The following TNNI3K variants were observed in gnomAD, a reference collection of about 807,000 sequenced individuals.
TNNI3K encodes the protein serine/threonine-protein kinase TNNI3K.
TNNI3K carries 140 observed loss-of-function variants against 114.5 expected under a neutral mutation model. The observed-to-expected ratio is 1.22, with a 90% confidence interval of 1.07 to 1.41. The LOEUF is 1.41. Among genes scored for constraint, TNNI3K ranks in the 40% most tolerant of loss-of-function variants. The pLI is 0.00. For synonymous variants in TNNI3K, 347 were observed against 347.5 expected (o/e 1.00, Z 0.02); for missense variants, 1,125 against 1,007.6 (o/e 1.12, Z -1.58).
intron 21 of TNNI3K, chr1:74,480,709 A>G (rs917101594): frequency 4.2e-6 from 3 of 717,330 alleles, no homozygotes; most frequent in African/African-American, 1.7e-5. Context: ...GGAGAGCATT[A>G]TTGCTCAGCA....
intron 4 of TNNI3K, among the ~76,000 whole-genome samples, chr1:74,256,717 A>G (rs1242999618): frequency 1.3e-5 from 2 of 152,130 alleles, no homozygotes; most frequent in Non-Finnish European, 2.9e-5. Flanking sequence ...TTCACTTAAA[A>G]TATAAGAACC....
intron 11 of TNNI3K, among the ~76,000 whole-genome samples, chr1:74,365,671 T>G (rs1054434547): frequency 6.6e-6 from 1 of 152,080 alleles, no homozygotes; most frequent in Admixed American, 6.6e-5. Flanking sequence ...ATCTATTCTC[T>G]CTGCCTATTA....
intron 20 of TNNI3K, among the ~76,000 whole-genome samples, chr1:74,461,644 G>A (rs1171456797): frequency 6.6e-6 from 1 of 152,158 alleles, no homozygotes; most frequent in African/African-American, 2.4e-5. Flanking sequence ...TTAGTAACAT[G>A]TTTTATAAAA....
chr1:74,312,024 A>G (rs866574584), intron 5 of TNNI3K, among the ~76,000 whole-genome samples: 6 of 152,296 alleles, frequency 3.9e-5, no homozygotes, highest in South Asian at 4.1e-4. Flanking sequence ...TTTAGATTCT[A>G]TGAGTTCTCT....
intron 5 of TNNI3K, among the ~76,000 whole-genome samples, chr1:74,318,020 A>G (rs1350263436): frequency 6.6e-6 from 1 of 152,174 alleles, no homozygotes; most frequent in Non-Finnish European, 1.5e-5. Context: ...CAAGAAAGGT[A>G]GTTTGCCTAG....
intron 21 of TNNI3K, among the ~76,000 whole-genome samples, chr1:74,482,832 G>T (rs372294706): frequency 1.3e-5 from 2 of 152,198 alleles, no homozygotes; most frequent in African/African-American, 4.8e-5. Flanking sequence ...TTCAAAATGA[G>T]ACGCACTTTG....
intron 23 of TNNI3K, among the ~76,000 whole-genome samples, chr1:74,533,001 A>T (rs1474557083): frequency 6.6e-6 from 1 of 152,190 alleles, no homozygotes; most frequent in African/African-American, 2.4e-5. Context: ...GGACATAGGC[A>T]TGGGCAAGGA....
chr1:74,420,889 G>C (rs1239316844), intron 17 of TNNI3K, among the ~76,000 whole-genome samples: 1 of 152,016 alleles, frequency 6.6e-6, no homozygotes, highest in Non-Finnish European at 1.5e-5. Context: ...ATTTTAATTA[G>C]TTTTGTTCTT....
At chr1:74,305,153 G>A (rs1658543228) in intron 5 of TNNI3K, among the ~76,000 whole-genome samples, 1 of 152,288 alleles carries the variant, frequency 6.6e-6, no homozygotes, top group South Asian at 2.1e-4. Flanking sequence ...AAGGGATGTA[G>A]AGAAGGTGGG....
intron 4 of TNNI3K, among the ~76,000 whole-genome samples, chr1:74,251,625 A>G (rs1381253023): frequency 1.3e-5 from 2 of 152,026 alleles, no homozygotes; most frequent in Admixed American, 1.3e-4. Context: ...GTTCTTTCTC[A>G]TTTTCAAGCG....
chr1:74,543,483 A>T (rs1377304684), intron 24 of TNNI3K, among the ~76,000 whole-genome samples: 1 of 152,146 alleles, frequency 6.6e-6, no homozygotes, highest in Admixed American at 6.5e-5. Flanking sequence ...AATAAGTGCT[A>T]TTGTTTCTCC....
chr1:74,469,459 T>G (rs141379826), intron 21 of TNNI3K: 2,409 of 153,832 alleles, frequency 0.016, 69 homozygotes, highest in African/African-American at 0.055. Flanking sequence ...TAATTATCCA[T>G]GTAGAAAGCA....
intron 21 of TNNI3K, chr1:74,471,934 G>C (rs1338388332): frequency 1.9e-6 from 1 of 520,324 alleles, no homozygotes; most frequent in Admixed American, 3.6e-5. Context: ...AAAATACCTA[G>C]GTTTGCTCTG....
chr1:74,378,594 TTATATATATA>T lies in TNNI3K; in HGVS notation c.1772+8240_1772+8249del, dbSNP rs58113455. 4.6e-3 allele frequency: 355 copies of T among 77,890 alleles called. 2 individuals are homozygous for T. Among genetic ancestry groups the T allele is most frequent in the African/African-American group, 8.6e-3 (196 of 22,920 alleles). 4.8% of individuals were successfully genotyped at this position (77,890 alleles called of 1,614,324 possible). ...TTTTGTTGTTGTTGTCAGTTTAATT[TTATATATATA>T]TATATATATATATATATATATATAT... On this transcript the variant is annotated intron_variant, in intron 17 of 24. Coordinates refer to ENST00000326637, the MANE Select transcript of TNNI3K (RefSeq NM_015978.3).
intron 11 of TNNI3K, among the ~76,000 whole-genome samples, chr1:74,364,687 T>C (rs571024034): frequency 6.6e-6 from 1 of 151,928 alleles, no homozygotes; most frequent in Non-Finnish European, 1.5e-5. Context: ...CCCAGTGGGC[T>C]CATTGTAATA....
At chr1:74,521,554 T>TA (rs1646433367) in intron 23 of TNNI3K, among the ~76,000 whole-genome samples, 1 of 151,982 alleles carries the variant, frequency 6.6e-6, no homozygotes, top group Non-Finnish European at 1.5e-5. Flanking sequence ...ATATATGCAG[T>TA]CAAAATTAAA....
chr1:74,353,340 A>G lies in TNNI3K; in HGVS notation c.1007A>G (p.Gln336Arg), dbSNP rs1373496318. The change falls in exon 10 of 25, where the codon CAA becomes CGA. Residue 336 changes from glutamine (Q) to arginine (R), a missense_variant. Transcript: ENST00000326637. The part of the protein sequence containing the change: ...LDQNVININH[Q>R]GRDGHTGLHS... Reference sequence around the variant, plus strand: ...CAGAATGTCATAAACATCAACCACCAAGGAAGGGATGGGCACACTGGTAAG... The same window carrying G: ...CAGAATGTCATAAACATCAACCACCGAGGAAGGGATGGGCACACTGGTAAG... 1.9e-6 allele frequency: 3 copies of G among 1,613,954 alleles called. No homozygotes were observed. Among genetic ancestry groups the G allele is most frequent in the Non-Finnish European group, 2.5e-6 (3 of 1,179,964 alleles).
intron 21 of TNNI3K, among the ~76,000 whole-genome samples, chr1:74,487,046 A>C (rs973280722): frequency 2.0e-5 from 3 of 152,170 alleles, no homozygotes; most frequent in African/African-American, 7.2e-5. Flanking sequence ...GCAAATTTGG[A>C]TAACTCTAGA....
chr1:74,541,801 G>T (rs1646729718), intron 24 of TNNI3K, among the ~76,000 whole-genome samples: 1 of 152,170 alleles, frequency 6.6e-6, no homozygotes, highest in African/African-American at 2.4e-5. Flanking sequence ...AAACAAAGAA[G>T]ATACATTCGA....
Sources: gnomAD v4.1 joint callset for allele counts (sites outside exome capture counted in the v4.1 genomes callset) on GRCh38, gnomAD v4.1.1 for gene constraint, MANE v1.5 for transcripts, NCBI Gene and HGNC (gene_info 2026-07-23, HGNC 2026-07-21) for gene names.